Variants in NOS1 observed in about 807,000 individuals in gnomAD.
The protein encoded by NOS1 is NOS type I.
In NOS1, 51 loss-of-function variants were observed where a neutral mutation model predicts 164.5. The ratio of observed to expected loss-of-function variants is 0.31; its 90% CI spans 0.25 to 0.39. The LOEUF (loss-of-function observed/expected upper bound fraction) is 0.39. Among genes scored for constraint, NOS1 ranks in the 10% least tolerant of loss-of-function variants. The probability of loss-of-function intolerance (pLI) is 1.00; values close to 1 mark genes in which losing one functional copy is unlikely to be tolerated. For missense variants in NOS1, 1,362 were observed against 1,885.6 expected (o/e 0.72, Z 5.14); for synonymous variants, 719 against 745.8 (o/e 0.96, Z 0.59).
At chr12:117,295,030 C>A (rs1873318654) in intron 3 of NOS1, among the ~76,000 whole-genome samples, 1 of 152,190 alleles carries the variant, frequency 6.6e-6, no homozygotes, top group Non-Finnish European at 1.5e-5. Context: ...AATGCCACTT[C>A]CAAGGACTGC....
At chr12:117,220,641 C>T (rs556084640) in intron 26 of NOS1, among the ~76,000 whole-genome samples, 12 of 152,268 alleles carry the variant, frequency 7.9e-5, no homozygotes, top group African/African-American at 2.6e-4. Flanking sequence ...AACACCTGCA[C>T]ATTTCCAGGT....
chr12:117,263,575 C>CTATTAT (rs71099036), intron 13 of NOS1, among the ~76,000 whole-genome samples: 123 of 141,894 alleles, frequency 8.7e-4, no homozygotes, highest in East Asian at 2.1e-3. Context: ...CAAGGTATTA[C>CTATTAT]TATTATTATT....
Position 117,215,300 on chromosome 12 carries a change from A to G in NOS1, c.*9T>C. 6.4e-7 allele frequency: 1 copy of G among 1,556,474 alleles called. No homozygotes were observed. The highest frequency in any genetic ancestry group is 8.7e-7 in the Non-Finnish European group (1 of 1,150,148). On this transcript the variant is annotated 3_prime_UTR_variant, in exon 29 of 29. Coordinates refer to ENST00000317775, the MANE Select transcript of NOS1 (RefSeq NM_000620.5). ...CAAAACTTGCAGCCGGCTGGGCAAG[A>G]GGGTCCAGTTAGGAGCTGAAAACCC... is the stretch of plus-strand genomic sequence containing the variant.
At chr12:117,303,079 C>T (rs970870402) in intron 3 of NOS1, among the ~76,000 whole-genome samples, 4 of 152,142 alleles carry the variant, frequency 2.6e-5, no homozygotes, top group African/African-American at 7.2e-5. Flanking sequence ...GACATCATTA[C>T]CGTAAGGCTG....
chr12:117,296,200 C>T (rs1873405098), intron 3 of NOS1, among the ~76,000 whole-genome samples: 1 of 152,158 alleles, frequency 6.6e-6, no homozygotes, highest in Admixed American at 6.5e-5. Flanking sequence ...AGTATATGTT[C>T]AATAAACATA....
intron 2 of NOS1, among the ~76,000 whole-genome samples, chr12:117,322,043 T>C: frequency 7.5e-6 from 1 of 132,878 alleles, no homozygotes; most frequent in Non-Finnish European, 1.6e-5. Context: ...CCTCCTTCTC[T>C]CCTTCCTTCC....
chr12:117,348,779 C>G (rs1260960847), intron 1 of NOS1, among the ~76,000 whole-genome samples: 1 of 152,196 alleles, frequency 6.6e-6, no homozygotes, highest in Non-Finnish European at 1.5e-5. Context: ...TCAAAGGTGT[C>G]AAGCCCGTGG....
intron 1 of NOS1, among the ~76,000 whole-genome samples, chr12:117,338,655 T>C (rs533228676): frequency 1.3e-5 from 2 of 152,238 alleles, no homozygotes; most frequent in African/African-American, 4.8e-5. Flanking sequence ...GTACAATAAA[T>C]GTGTCATTAA....
In NOS1 at chr12:117,213,638, C is replaced by T. The variant is rs1054842390; in HGVS notation, c.*1671G>A. Reference sequence around the variant, plus strand: ...GAGGGCCAGTGCACTTCCTCTTTAGCAGACACCCAAACTGAACAACAAGAT... The same window carrying T: ...GAGGGCCAGTGCACTTCCTCTTTAGTAGACACCCAAACTGAACAACAAGAT... On this transcript the variant is annotated 3_prime_UTR_variant, in exon 29 of 29. Coordinates refer to ENST00000317775, the MANE Select transcript of NOS1 (RefSeq NM_000620.5). 1 of 985,450 alleles carries T rather than the reference C, an allele frequency of 1.0e-6. No homozygotes were observed. The highest frequency in any genetic ancestry group is 1.2e-6 in the Non-Finnish European group (1 of 829,962). The allele number at this position is 985,450 out of a possible 1,614,324, so 61.0% of individuals were successfully genotyped here.
intron 1 of NOS1, among the ~76,000 whole-genome samples, chr12:117,346,256 A>G (rs1470105737): frequency 2.6e-5 from 4 of 152,328 alleles, no homozygotes; most frequent in Middle Eastern, 3.4e-3. Context: ...GGATCACCTG[A>G]GACCAGGAGT....
At chr12:117,353,124 GTACC>G (rs980873057) in intron 1 of NOS1, among the ~76,000 whole-genome samples, 3 of 151,380 alleles carry the variant, frequency 2.0e-5, no homozygotes, top group South Asian at 4.2e-4. Context: ...ATCCATTCAT[GTACC>G]TATCTATCTA....
intron 28 of NOS1, 44 bp from the exon 29 acceptor site, chr12:117,215,368 A>G: frequency 6.8e-7 from 1 of 1,479,200 alleles, no homozygotes. Flanking sequence ...CCCAAGGGCA[A>G]GGCTGCTGTT....
At chr12:117,239,931 A>T (rs1592941082) in intron 20 of NOS1, among the ~76,000 whole-genome samples, 1 of 142,434 alleles carries the variant, frequency 7.0e-6, no homozygotes, top group African/African-American at 2.7e-5. Context: ...TCACTTTTAG[A>T]CCCGTAGCTT....
At chr12:117,344,509 G>A (rs1876257119) in intron 1 of NOS1, among the ~76,000 whole-genome samples, 1 of 152,138 alleles carries the variant, frequency 6.6e-6, no homozygotes, top group Non-Finnish European at 1.5e-5. Context: ...TTTTATAGAT[G>A]TTAAAATCAA....
chr12:117,260,603 G>T lies in NOS1; in HGVS notation c.2229C>A (p.Val743=), dbSNP rs867469403. The part of the protein sequence containing the change: ...AIGFKKLAEA[V]KFSAKLMGQA... ...GCCCCATCAGCTTGGCCGAGAACTT[G>T]ACAGCTCTGGAGGGAAGAGGATGGA... The change falls in exon 14 of 29, where the codon GTC becomes GTA. Residue 743 remains valine, a synonymous_variant. Coordinates refer to ENST00000317775, the MANE Select transcript of NOS1 (RefSeq NM_000620.5). 16 of 1,613,534 alleles carry T rather than the reference G, an allele frequency of 9.9e-6. No individual in the cohort carries two copies. Among genetic ancestry groups the T allele is most frequent in the Middle Eastern group, 3.3e-4 (2 of 6,062 alleles).
intron 1 of NOS1, among the ~76,000 whole-genome samples, chr12:117,341,181 C>A (rs1876095351): frequency 6.6e-6 from 1 of 152,174 alleles, no homozygotes; most frequent in Admixed American, 6.5e-5. Context: ...CTGCTTAAGG[C>A]ACTTTGTGTT....
chr12:117,359,903 T>C (rs1367159973), intron 1 of NOS1, among the ~76,000 whole-genome samples: 2 of 56,560 alleles, frequency 3.5e-5, no homozygotes, highest in African/African-American at 1.5e-4. Context: ...TATATATATA[T>C]ATATATATAT....
intron 20 of NOS1, among the ~76,000 whole-genome samples, chr12:117,241,262 A>C (rs1237661633): frequency 6.6e-6 from 1 of 151,880 alleles, no homozygotes; most frequent in Admixed American, 6.6e-5. Context: ...GCACTAATGA[A>C]GGTCTTTGCA....
At chr12:117,221,446 G>C (rs1247638158) in intron 26 of NOS1, among the ~76,000 whole-genome samples, 1 of 151,664 alleles carries the variant, frequency 6.6e-6, no homozygotes, top group African/African-American at 2.4e-5. Flanking sequence ...ACCGCGCCCA[G>C]CTAATTTTTA....
Sources: allele counts gnomAD v4.1 joint callset (sites outside exome capture counted in the v4.1 genomes callset), GRCh38; gene constraint gnomAD v4.1.1; transcripts MANE v1.5; gene names NCBI Gene and HGNC (gene_info 2026-07-23, HGNC 2026-07-21).